Variants in CNTNAP2 observed in about 807,000 individuals in gnomAD.
CNTNAP2 encodes contactin-associated protein-like 2.
In CNTNAP2, 98 loss-of-function variants were observed where a neutral mutation model predicts 155.2. That is an observed-to-expected ratio of 0.63 (90% CI 0.54 to 0.75). The LOEUF (loss-of-function observed/expected upper bound fraction) is 0.75. Among genes scored for constraint, CNTNAP2 ranks in the 30% least tolerant of loss-of-function variants. CNTNAP2 has a pLI of 0.00. For missense variants in CNTNAP2, 1,727 were observed against 1,688.1 expected, an observed-to-expected ratio of 1.02 and a Z score of -0.40; for synonymous variants, 651 against 631.2, an observed-to-expected ratio of 1.03 and a Z score of -0.47.
intron 1 of CNTNAP2, among the ~76,000 whole-genome samples, chr7:146,304,298 T>C (rs1467951514): frequency 6.6e-6 from 1 of 152,144 alleles, no homozygotes; most frequent in Non-Finnish European, 1.5e-5. Context: ...ATGTGTGAAT[T>C]TGATCCTGTC....
At position 147,511,702 on chromosome 7, in the gene CNTNAP2, A is replaced by G. The variant is rs142742846; in HGVS notation, c.1777+25661A>G. Among the ~76,000 whole-genome samples the G allele has an allele frequency of 1.5e-3, 221 of 152,278 alleles. 2 individuals are homozygous for G. The highest frequency in any genetic ancestry group is 3.4e-3 in the Middle Eastern group (1 of 294). ...TAACAGGAGTATTTAATGGCATCCA[A>G]TCATACTTAGTCGCTGTGTAGATAG... On this transcript the variant is annotated intron_variant, in intron 11 of 23. Coordinates refer to ENST00000361727, the MANE Select transcript of CNTNAP2 (RefSeq NM_014141.6).
chr7:147,525,484 G>T lies in CNTNAP2; in HGVS notation c.1778-36654G>T, dbSNP rs900329269. ...TCTAAGTGGATAAAATGTCACATGTGAAAGAAGTGAGATACCAGATACTTG... is the reference window on the plus strand; with the variant it reads ...TCTAAGTGGATAAAATGTCACATGTTAAAGAAGTGAGATACCAGATACTTG... On this transcript the variant is annotated intron_variant, in intron 11 of 23. Coordinates refer to ENST00000361727, the MANE Select transcript of CNTNAP2 (RefSeq NM_014141.6). Among the ~76,000 whole-genome samples the T allele has an allele frequency of 2.0e-5, 3 of 152,220 alleles. No homozygotes were observed. The East Asian group carries it at 5.8e-4, about 29-fold the overall frequency.
At chr7:146,536,386 G>T (rs1313586883) in intron 1 of CNTNAP2, among the ~76,000 whole-genome samples, 1 of 152,020 alleles carries the variant, frequency 6.6e-6, no homozygotes, top group Non-Finnish European at 1.5e-5. Context: ...TCCAAATGGG[G>T]ATTTATGTTT....
At chr7:147,468,691 G>A (rs185459102) in intron 10 of CNTNAP2, among the ~76,000 whole-genome samples, 153 of 152,296 alleles carry the variant, frequency 1.0e-3, no homozygotes, top group African/African-American at 3.5e-3. Flanking sequence ...TTGAAAGTCA[G>A]CAGCCTGAGA....
At chr7:148,032,138 A>C (rs559909898) in intron 15 of CNTNAP2, among the ~76,000 whole-genome samples, 2 of 152,266 alleles carry the variant, frequency 1.3e-5, no homozygotes, top group South Asian at 4.2e-4. Flanking sequence ...GGCTTAGGCA[A>C]TGGGGGAAAT....
At chr7:147,762,995 A>G (rs1316302188) in intron 13 of CNTNAP2, among the ~76,000 whole-genome samples, 1 of 152,180 alleles carries the variant, frequency 6.6e-6, no homozygotes, top group East Asian at 1.9e-4. Flanking sequence ...GCGATGGCTC[A>G]TGCCTGTAAT....
chr7:147,953,139 G>A (rs532793140), intron 14 of CNTNAP2, among the ~76,000 whole-genome samples: 2 of 152,282 alleles, frequency 1.3e-5, no homozygotes, highest in South Asian at 2.1e-4. Context: ...CCGTTGCTAC[G>A]TGTCTTGCTC....
intron 8 of CNTNAP2, among the ~76,000 whole-genome samples, chr7:147,153,350 A>G (rs1801862802): frequency 1.3e-5 from 2 of 152,194 alleles, no homozygotes; most frequent in Admixed American, 6.5e-5. Flanking sequence ...ATGATATAGA[A>G]TGTTAGAAGA....
chr7:147,009,115 C>T (rs943009048), intron 3 of CNTNAP2, among the ~76,000 whole-genome samples: 1 of 152,088 alleles, frequency 6.6e-6, no homozygotes, highest in Admixed American at 6.6e-5. Flanking sequence ...ATAGAAAACA[C>T]AAACACATAC....
At chr7:147,308,256 A>T (rs991623407) in intron 9 of CNTNAP2, among the ~76,000 whole-genome samples, 3 of 152,152 alleles carry the variant, frequency 2.0e-5, no homozygotes, top group African/African-American at 7.2e-5. Context: ...GGCTGAGAAA[A>T]GGTGAGGTTG....
At chr7:147,949,663 C>G (rs6972222) in intron 14 of CNTNAP2, among the ~76,000 whole-genome samples, 1 of 151,952 alleles carries the variant, frequency 6.6e-6, no homozygotes, top group African/African-American at 2.4e-5. Context: ...CAGCAGCATT[C>G]TAATGCATGG....
chr7:147,099,893 G>A (rs1361119070), intron 4 of CNTNAP2, among the ~76,000 whole-genome samples: 9 of 152,292 alleles, frequency 5.9e-5, no homozygotes, highest in South Asian at 2.1e-4. Flanking sequence ...GCGAGAAGGC[G>A]AGTCTAATTT....
chr7:147,595,843 C>T (rs1399956729), intron 12 of CNTNAP2, among the ~76,000 whole-genome samples: 5 of 152,240 alleles, frequency 3.3e-5, no homozygotes, highest in Admixed American at 6.5e-5. Context: ...TAGAATCTTA[C>T]AAGATGTCAC....
At chr7:147,950,161 A>C (rs762747704) in intron 14 of CNTNAP2, among the ~76,000 whole-genome samples, 15 of 151,970 alleles carry the variant, frequency 9.9e-5, no homozygotes, top group Non-Finnish European at 1.9e-4. Context: ...TTAACTACCA[A>C]GTATAGTAAG....
intron 15 of CNTNAP2, among the ~76,000 whole-genome samples, chr7:147,981,528 A>T (rs1314595943): frequency 2.0e-5 from 3 of 152,206 alleles, no homozygotes; most frequent in Non-Finnish European, 4.4e-5. Flanking sequence ...GAGTTGAGTG[A>T]TGACAGCCCT....
chr7:146,952,148 C>T (rs371748521), intron 3 of CNTNAP2, among the ~76,000 whole-genome samples: 38 of 152,188 alleles, frequency 2.5e-4, no homozygotes, highest in African/African-American at 9.2e-4. Flanking sequence ...AGACATAATC[C>T]ATCACATAAA....
intron 3 of CNTNAP2, among the ~76,000 whole-genome samples, chr7:146,911,482 G>A (rs9769730): frequency 0.27 from 40,545 of 151,566 alleles, 6,044 homozygotes; most frequent in Non-Finnish European, 0.32. Flanking sequence ...AGCCATAAAA[G>A]TTGATGAGTT....
chr7:146,333,904 C>T (rs1801226776), intron 1 of CNTNAP2, among the ~76,000 whole-genome samples: 1 of 152,100 alleles, frequency 6.6e-6, no homozygotes, highest in Admixed American at 6.6e-5. Context: ...AGGGTCAGTC[C>T]TGGAATAAAT....
At chr7:147,183,681 G>A (rs1650493991) in intron 8 of CNTNAP2, among the ~76,000 whole-genome samples, 1 of 152,062 alleles carries the variant, frequency 6.6e-6, no homozygotes, top group African/African-American at 2.4e-5. Flanking sequence ...TGGTGCAAAG[G>A]CATCAATATC....
Sources: gnomAD v4.1 joint callset for allele counts (sites outside exome capture counted in the v4.1 genomes callset) on GRCh38, gnomAD v4.1.1 for gene constraint, MANE v1.5 for transcripts, NCBI Gene and HGNC (gene_info 2026-07-23, HGNC 2026-07-21) for gene names.